Variants in KCNT2 observed in about 807,000 individuals in gnomAD.
KCNT2 encodes the protein potassium channel subfamily T member 2.
KCNT2 carries 67 observed loss-of-function variants against 153.8 expected under a neutral mutation model. The observed-to-expected ratio is 0.44, with a 90% CI of 0.36 to 0.53. KCNT2 has a LOEUF of 0.53. Ranked by LOEUF, KCNT2 falls within the 20% of genes least tolerant of loss-of-function variation. KCNT2 has a pLI of 0.00. For missense variants in KCNT2, 975 were observed against 1,354.8 expected, an observed-to-expected ratio of 0.72 and a Z score of 4.40; for synonymous variants, 500 against 458.8, an observed-to-expected ratio of 1.09 and a Z score of -1.15.
At position 196,283,739 on chromosome 1, in the gene KCNT2, A is replaced by G. The variant is rs377176963; in HGVS notation, c.2698-1383T>C. ...TTAAGTGTTTTTTAAAAAAGCCACA[A>G]AATAGTTATGAATTAATGCCAGCAA... On this transcript the variant is annotated intron_variant, in intron 23 of 27. Transcript: ENST00000294725. Among the ~76,000 whole-genome samples the G allele has an allele frequency of 1.2e-4, 19 of 152,282 alleles. No individual in the cohort carries two copies. The East Asian group carries it at 1.5e-3, about 12-fold the overall frequency.
chr1:196,518,257 G>A (rs547027888), intron 1 of KCNT2, among the ~76,000 whole-genome samples: 6 of 152,062 alleles, frequency 3.9e-5, no homozygotes, highest in African/African-American at 9.6e-5. Flanking sequence ...AATAGACATC[G>A]AAAGAAGCAC....
intron 20 of KCNT2, among the ~76,000 whole-genome samples, chr1:196,318,045 A>G (rs539744163): frequency 6.7e-6 from 1 of 150,188 alleles, no homozygotes; most frequent in East Asian, 2.0e-4. Flanking sequence ...ACTCCTCTCC[A>G]TCATAATTTC....
intron 22 of KCNT2, among the ~76,000 whole-genome samples, chr1:196,302,925 C>A (rs1661318559): frequency 1.3e-5 from 2 of 151,980 alleles, no homozygotes; most frequent in Admixed American, 1.3e-4. Flanking sequence ...GCCTTCCTAT[C>A]CCTGAATAAT....
chr1:196,351,704 C>T (rs534951195), intron 14 of KCNT2, among the ~76,000 whole-genome samples: 1 of 152,150 alleles, frequency 6.6e-6, no homozygotes, highest in Admixed American at 6.5e-5. Context: ...ATTTCCTTCT[C>T]CTGCCTAATT....
chr1:196,407,896 A>T (rs950050850), intron 12 of KCNT2, among the ~76,000 whole-genome samples: 3 of 151,372 alleles, frequency 2.0e-5, no homozygotes, highest in African/African-American at 7.3e-5. Context: ...GGAGTCAAAT[A>T]CCTAAGATGC....
Position 196,331,218 on chromosome 1 carries a change from A to G in KCNT2, c.2041T>C (p.Ser681Pro), listed in dbSNP as rs1435988496. ...YPPYSPYIGS[S>P]PTFCHLLHEK... The stretch of plus-strand genomic sequence containing the variant: ...TGAAGGAGATGACAAAAAGTGGGTG[A>G]ACTTCCTATATATGGAGAATAAGGT... Residue 681 changes from serine to proline, a missense_variant, in exon 18 of 28, where the codon TCA becomes CCA. This residue lies in a region of KCNT2 where 325 missense variants were observed against 388.1 expected (regional missense o/e 0.84). Coordinates refer to ENST00000294725, the MANE Select transcript of KCNT2 (RefSeq NM_198503.5). 1 of 1,608,612 alleles carries G rather than the reference A, an allele frequency of 6.2e-7. No individual in the cohort carries two copies. Among genetic ancestry groups the G allele is most frequent in the Non-Finnish European group, 8.5e-7 (1 of 1,175,280 alleles).
chr1:196,249,182 C>G (rs1655728306), intron 26 of KCNT2, among the ~76,000 whole-genome samples: 1 of 152,004 alleles, frequency 6.6e-6, no homozygotes, highest in Non-Finnish European at 1.5e-5. Context: ...ACAACAGATG[C>G]ACAGTTGGTA....
chr1:196,559,873 T>A (rs566657832), intron 1 of KCNT2, among the ~76,000 whole-genome samples: 1 of 151,944 alleles, frequency 6.6e-6, no homozygotes, highest in South Asian at 2.1e-4. Flanking sequence ...TCTTTTAATT[T>A]TCTATGTGTA....
At chr1:196,304,460 C>T (rs1208844153) in intron 22 of KCNT2, among the ~76,000 whole-genome samples, 1 of 151,984 alleles carries the variant, frequency 6.6e-6, no homozygotes, top group Non-Finnish European at 1.5e-5. Flanking sequence ...CTCAAGGAAT[C>T]CTCCTGTCTC....
At chr1:196,442,488 G>A (rs1039614843) in intron 8 of KCNT2, among the ~76,000 whole-genome samples, 1 of 151,704 alleles carries the variant, frequency 6.6e-6, no homozygotes. Context: ...AATAGCTAAT[G>A]TACATGTATA....
At chr1:196,482,975 C>T (rs947823399) in intron 3 of KCNT2, among the ~76,000 whole-genome samples, 3 of 152,108 alleles carry the variant, frequency 2.0e-5, no homozygotes, top group Non-Finnish European at 4.4e-5. Context: ...AACATCATAA[C>T]ACTTATTATC....
rs143282513 is a variant in KCNT2, at chr1:196,537,850, C to T, written c.96-45509G>A. Among the ~76,000 whole-genome samples, 372 of 152,228 alleles carry T rather than the reference C, an allele frequency of 2.4e-3. 1 individual carries two copies. Among genetic ancestry groups the T allele is most frequent in the Middle Eastern group, 6.8e-3 (2 of 294 alleles). On this transcript the variant is annotated intron_variant, in intron 1 of 27. Transcript: ENST00000294725. Reference sequence around the variant, plus strand: ...GGGGCATTCTTATCTCTCGTGGGGGCGGGGGAGCCTGCAATTGGAGCACCT... The same window carrying T: ...GGGGCATTCTTATCTCTCGTGGGGGTGGGGGAGCCTGCAATTGGAGCACCT...
At chr1:196,568,106 T>C (rs1660321944) in intron 1 of KCNT2, among the ~76,000 whole-genome samples, 1 of 152,138 alleles carries the variant, frequency 6.6e-6, no homozygotes, top group African/African-American at 2.4e-5. Context: ...CACATTAAAG[T>C]GTGTTATTTA....
intron 16 of KCNT2, among the ~76,000 whole-genome samples, chr1:196,334,297 T>C (rs1664778036): frequency 6.6e-6 from 1 of 151,920 alleles, no homozygotes; most frequent in Non-Finnish European, 1.5e-5. Flanking sequence ...CAGAGTGTTG[T>C]TCTATGGCAC....
chr1:196,294,792 GAT>G (rs139358719), intron 22 of KCNT2, among the ~76,000 whole-genome samples: 48 of 147,114 alleles, frequency 3.3e-4, no homozygotes, highest in African/African-American at 5.2e-4. Flanking sequence ...AAGAAAATAT[GAT>G]ATATATATAT....
intron 8 of KCNT2, among the ~76,000 whole-genome samples, chr1:196,458,677 G>T (rs2148643415): frequency 6.6e-6 from 1 of 151,826 alleles, no homozygotes; most frequent in East Asian, 1.9e-4. Flanking sequence ...TTCAAGCTTT[G>T]GCATGTTTTA....
At chr1:196,308,955 C>T (rs1291413024) in intron 21 of KCNT2, among the ~76,000 whole-genome samples, 1 of 151,864 alleles carries the variant, frequency 6.6e-6, no homozygotes, top group Non-Finnish European at 1.5e-5. Context: ...AATTTCTGGT[C>T]TCCAGGAGAT....
chr1:196,375,593 A>G (rs538088749), intron 13 of KCNT2, among the ~76,000 whole-genome samples: 65 of 151,652 alleles, frequency 4.3e-4, no homozygotes, highest in Non-Finnish European at 7.2e-4. Context: ...GTGTTTACAT[A>G]TTAAAAAAAC....
At chr1:196,437,844 A>G (rs972237529) in intron 8 of KCNT2, among the ~76,000 whole-genome samples, 1 of 151,574 alleles carries the variant, frequency 6.6e-6, no homozygotes, top group African/African-American at 2.4e-5. Flanking sequence ...CTAGCCAAGC[A>G]TTGTACTGGA....
Sources: allele counts gnomAD v4.1 joint callset (sites outside exome capture counted in the v4.1 genomes callset), GRCh38; gene constraint gnomAD v4.1.1; regional missense constraint gnomAD v4.1.1; transcripts MANE v1.5; gene names NCBI Gene and HGNC (gene_info 2026-07-23, HGNC 2026-07-21).